CADM2: variants seen among roughly 807,000 people sequenced by gnomAD.
The protein encoded by CADM2 is immunoglobulin superfamily member 4D.
In CADM2, 12 loss-of-function variants were observed where a neutral mutation model predicts 49.8. The observed-to-expected ratio is 0.24, with a 90% confidence interval of 0.15 to 0.39. The LOEUF (loss-of-function observed/expected upper bound fraction) is 0.39. Among genes scored for constraint, CADM2 ranks in the 10% least tolerant of loss-of-function variants. The probability of loss-of-function intolerance (pLI) is 1.00; values close to 1 mark genes in which losing one functional copy is unlikely to be tolerated. For missense variants in CADM2, 378 were observed against 492.3 expected (o/e 0.77, Z 2.20); for synonymous variants, 214 against 175.4 (o/e 1.22, Z -1.74).
rs1007514357 is a variant in CADM2 at position 85,942,327 on chromosome 3, TTTTTG to T, written c.791+6474_791+6478del. ...CTGCAAAACCATGCCAAATTGTTTT[TTTTTG>T]TTTGTTTGTTTTTTATTATACCTTA... On this transcript the variant is annotated intron_variant, in intron 7 of 9. Transcript: ENST00000383699. Among the ~76,000 whole-genome samples, 5 of 152,006 alleles carry T rather than the reference TTTTTG, an allele frequency of 3.3e-5. 1 individual carries two copies. Among genetic ancestry groups the T allele is most frequent in the South Asian group, 4.2e-4 (2 of 4,818 alleles).
intron 3 of CADM2, among the ~76,000 whole-genome samples, chr3:85,833,071 G>A (rs1255118992): frequency 6.6e-6 from 1 of 151,572 alleles, no homozygotes; most frequent in Non-Finnish European, 1.5e-5. Context: ...AAGCATTTCT[G>A]CATCACATAA....
rs548927761 is a variant in CADM2 at position 85,332,439 on chromosome 3, C to G, written c.61+372771C>G. Among the ~76,000 whole-genome samples the G allele has an allele frequency of 1.7e-3, 259 of 151,922 alleles. 1 individual carries two copies. The highest frequency in any genetic ancestry group is 6.0e-3 in the African/African-American group (249 of 41,520). ...TGTGTGTAGGCTGACACAGAGGGAT[C>G]CTTGAAAAATAGTGATGGCACAGAT... On this transcript the variant is annotated intron_variant, in intron 1 of 9. Transcript: ENST00000383699.
chr3:85,312,075 C>T (rs545093866), intron 1 of CADM2, among the ~76,000 whole-genome samples: 84 of 151,856 alleles, frequency 5.5e-4, no homozygotes, highest in Non-Finnish European at 8.8e-4. Context: ...AAACTTTAGC[C>T]GCTCATATAT....
chr3:85,006,829 T>C (rs957608656), intron 1 of CADM2, among the ~76,000 whole-genome samples: 9 of 152,152 alleles, frequency 5.9e-5, no homozygotes, highest in African/African-American at 2.2e-4. Flanking sequence ...CATGCCTCTG[T>C]TTTAATTTGT....
chr3:84,982,483 C>T (rs917398243), intron 1 of CADM2, among the ~76,000 whole-genome samples: 9 of 151,390 alleles, frequency 5.9e-5, no homozygotes, highest in Admixed American at 4.6e-4. Flanking sequence ...ACTAATTACA[C>T]GTTTAGGTTT....
chr3:85,807,318 A>T (rs2072498030), intron 3 of CADM2, among the ~76,000 whole-genome samples: 1 of 151,922 alleles, frequency 6.6e-6, no homozygotes, highest in Non-Finnish European at 1.5e-5. Flanking sequence ...GGCCAACGTG[A>T]CGAAAAACCA....
At chr3:85,008,636 TA>T in intron 1 of CADM2, among the ~76,000 whole-genome samples, 1 of 150,974 alleles carries the variant, frequency 6.6e-6, no homozygotes, top group East Asian at 1.9e-4. Context: ...AAACAAAAAT[TA>T]GAAAAAAAAA....
intron 1 of CADM2, among the ~76,000 whole-genome samples, chr3:85,146,911 A>T (rs902729123): frequency 2.0e-5 from 3 of 152,066 alleles, no homozygotes; most frequent in Non-Finnish European, 4.4e-5. Context: ...TTTGAAAAGG[A>T]AGGGATAGGG....
chr3:85,218,886 T>C (rs973397887), intron 1 of CADM2, among the ~76,000 whole-genome samples: 1 of 152,206 alleles, frequency 6.6e-6, no homozygotes, highest in African/African-American at 2.4e-5. Context: ...AACACAGGAC[T>C]ATAATCTAGT....
intron 8 of CADM2, among the ~76,000 whole-genome samples, chr3:86,042,874 A>C (rs1310553570): frequency 1.3e-5 from 2 of 152,210 alleles, no homozygotes; most frequent in Non-Finnish European, 2.9e-5. Flanking sequence ...CAAAAAGCTT[A>C]TCCAGCATGA....
intron 1 of CADM2, among the ~76,000 whole-genome samples, chr3:85,701,817 C>T (rs566650495): frequency 7.9e-5 from 12 of 151,686 alleles, no homozygotes; most frequent in Admixed American, 2.0e-4. Context: ...ACTATTCAAA[C>T]CTCTTTCACT....
chr3:85,356,488 T>G (rs1434789647), intron 1 of CADM2, among the ~76,000 whole-genome samples: 1 of 152,052 alleles, frequency 6.6e-6, no homozygotes, highest in East Asian at 1.9e-4. Context: ...TGAAGGACTC[T>G]GGTATTTTGA....
chr3:85,542,834 CAA>C (rs1413324906), intron 1 of CADM2, among the ~76,000 whole-genome samples: 3 of 152,142 alleles, frequency 2.0e-5, no homozygotes, highest in Admixed American at 6.5e-5. Flanking sequence ...ACCCTAACGT[CAA>C]GAGTGGCAAA....
At chr3:85,988,442 G>A (rs367676519) in intron 8 of CADM2, among the ~76,000 whole-genome samples, 3 of 152,098 alleles carry the variant, frequency 2.0e-5, no homozygotes, top group Non-Finnish European at 4.4e-5. Context: ...TGCTTTTAGC[G>A]AAGCTATGAC....
intron 3 of CADM2, among the ~76,000 whole-genome samples, chr3:85,831,083 C>A (rs2074165289): frequency 6.6e-6 from 1 of 151,712 alleles, no homozygotes; most frequent in Non-Finnish European, 1.5e-5. Context: ...AAGAGAGAAC[C>A]TGTGGTATTT....
At chr3:86,012,893 T>C in intron 8 of CADM2, 3 of 576,636 alleles carry the variant, frequency 5.2e-6, no homozygotes, top group Non-Finnish European at 9.4e-6. Flanking sequence ...GAGAATGGCG[T>C]GAACCCGGGA....
chr3:85,088,324 A>G (rs2037462219), intron 1 of CADM2, among the ~76,000 whole-genome samples: 1 of 152,188 alleles, frequency 6.6e-6, no homozygotes, highest in African/African-American at 2.4e-5. Flanking sequence ...ACAATCCTTT[A>G]GAACACCAAC....
At chr3:86,038,882 C>A (rs1465714093) in intron 8 of CADM2, among the ~76,000 whole-genome samples, 1 of 152,102 alleles carries the variant, frequency 6.6e-6, no homozygotes, top group Non-Finnish European at 1.5e-5. Context: ...TCAGTCCACA[C>A]CTATATGAGA....
intron 2 of CADM2, among the ~76,000 whole-genome samples, chr3:85,749,832 T>A (rs1170462709): frequency 6.6e-6 from 1 of 151,830 alleles, no homozygotes; most frequent in African/African-American, 2.4e-5. Context: ...TAAATAGTTT[T>A]TGTTTGTTTG....
Sources: gnomAD v4.1 joint callset for allele counts (sites outside exome capture counted in the v4.1 genomes callset) on GRCh38, gnomAD v4.1.1 for gene constraint, MANE v1.5 for transcripts, NCBI Gene and HGNC (gene_info 2026-07-23, HGNC 2026-07-21) for gene names.